MTHFD1L: variants seen among roughly 807,000 people sequenced by gnomAD.
MTHFD1L encodes monofunctional C1-tetrahydrofolate synthase, mitochondrial.
In MTHFD1L, 81 loss-of-function variants were observed where a neutral mutation model predicts 119.5. The ratio of observed to expected loss-of-function variants is 0.68; its 90% confidence interval spans 0.57 to 0.82. The LOEUF (loss-of-function observed/expected upper bound fraction) is 0.82, where lower values mean the gene tolerates loss of function less well. Ranked by LOEUF, MTHFD1L falls within the 40% of genes least tolerant of loss-of-function variation. MTHFD1L has a pLI of 0.00. For missense variants in MTHFD1L, 1,125 were observed against 1,253.4 expected (o/e 0.90, Z 1.55); for synonymous variants, 430 against 475.2 (o/e 0.90, Z 1.24).
rs1428575276 is a variant in MTHFD1L at position 150,964,981 on chromosome 6, G to T, written c.1957G>T (p.Ala653Ser). The T allele has an allele frequency of 1.2e-6, 2 of 1,613,980 alleles. No homozygotes were observed. Among genetic ancestry groups the T allele is most frequent in the Non-Finnish European group, 1.7e-6 (2 of 1,179,906 alleles). Residue 653 changes from alanine (A) to serine (S), a missense_variant, in exon 19 of 28, where the codon GCT (alanine) becomes TCT (serine). Ala to Ser is a moderately conservative substitution (Grantham distance 99, BLOSUM62 1). Around this residue, in one of 3 missense-constraint regions of MTHFD1L, gnomAD observed 1,058 missense variants for 1,151.2 expected, o/e 0.92. Coordinates refer to ENST00000367321, the MANE Select transcript of MTHFD1L (RefSeq NM_015440.5). ...VTADDLGVTG[A>S]LTVLMKDAIK... ...CTCTCTCCTGTAGGGGGTGACAGGT[G>T]CTTTGACAGTTTTGATGAAAGATGC...
chr6:150,970,327 G>A (rs138169576), intron 19 of MTHFD1L, among the ~76,000 whole-genome samples: 86 of 152,324 alleles, frequency 5.6e-4, no homozygotes, highest in African/African-American at 1.5e-3. Context: ...AGTGAGAGCT[G>A]TTAACATTTT....
At chr6:150,890,104 C>T (rs1418964269) in intron 7 of MTHFD1L, among the ~76,000 whole-genome samples, 1 of 151,178 alleles carries the variant, frequency 6.6e-6, no homozygotes. Flanking sequence ...TGCGGTGAGC[C>T]GAGATCACAC....
chr6:151,072,847 A>T (rs976755182), intron 26 of MTHFD1L, among the ~76,000 whole-genome samples: 1 of 152,142 alleles, frequency 6.6e-6, no homozygotes, highest in African/African-American at 2.4e-5. Flanking sequence ...TCACCCATTG[A>T]TACATAATGT....
chr6:151,096,753 C>G (rs1194621351), intron 27 of MTHFD1L, among the ~76,000 whole-genome samples: 1 of 152,222 alleles, frequency 6.6e-6, no homozygotes, highest in Non-Finnish European at 1.5e-5. Context: ...GCGTTCCACT[C>G]AGGAAGAAGA....
At chr6:151,093,250 C>T (rs1045764370) in intron 27 of MTHFD1L, among the ~76,000 whole-genome samples, 2 of 152,178 alleles carry the variant, frequency 1.3e-5, no homozygotes, top group Admixed American at 6.5e-5. Context: ...GTCTCAGCCT[C>T]TGTGGTCCCA....
chr6:150,887,559 G>C (rs573365452), intron 6 of MTHFD1L, among the ~76,000 whole-genome samples: 3 of 152,196 alleles, frequency 2.0e-5, no homozygotes, highest in Non-Finnish European at 4.4e-5. Context: ...AGGTTCAAGT[G>C]ATTTTCCTGC....
At chr6:151,069,279 C>CTCTCTT in intron 26 of MTHFD1L, among the ~76,000 whole-genome samples, 1 of 150,678 alleles carries the variant, frequency 6.6e-6, no homozygotes, top group East Asian at 1.9e-4. Context: ...CTCTCTCTCT[C>CTCTCTT]TCCCTCCCTC....
intron 26 of MTHFD1L, among the ~76,000 whole-genome samples, chr6:151,065,791 T>C (rs1338469090): frequency 6.6e-6 from 1 of 152,244 alleles, no homozygotes; most frequent in Non-Finnish European, 1.5e-5. Context: ...CAGACCCACC[T>C]GCACCACATG....
chr6:150,926,235 GT>G lies in MTHFD1L; in HGVS notation c.1199del (p.Leu400CysfsTer4). On this transcript the variant is annotated frameshift_variant, in exon 11 of 28. Transcript: ENST00000367321. LOFTEE classifies it high-confidence loss of function. The surrounding 1 kb of genome is among the most constrained non-coding windows in gnomAD (Gnocchi z 4.3). ...EIYGKSKAKV[R>X]LSVLERLKDQ... ...TATGGCAAAAGCAAAGCCAAAGTAC[GT>G]TTGTCCGTGCTAGAAAGGTTAAAGG... is the stretch of plus-strand genomic sequence containing the variant. 5.6e-6 allele frequency: 9 copies of G among 1,614,052 alleles called. No individual in the cohort carries two copies. Among genetic ancestry groups the G allele is most frequent in the Non-Finnish European group, 7.6e-6 (9 of 1,180,000 alleles).
rs776170186 is a variant in MTHFD1L at position 151,009,896 on chromosome 6, C to G, written c.2203C>G (p.Pro735Ala). 1 of 1,613,578 alleles carries G rather than the reference C, an allele frequency of 6.2e-7. No individual in the cohort carries two copies. The highest frequency in any genetic ancestry group is 1.1e-5 in the South Asian group (1 of 90,944). ...CAAGTGCCGAGCTTCCGGCTTGGTG[C>G]CCAACGTGGTTGTGTTAGTGGCAAC... ...NIKCRASGLVPNVVVLVATVR... is the reference protein window; with the variant it reads ...NIKCRASGLVANVVVLVATVR... The change falls in exon 21 of 28, where the codon CCC (proline) becomes GCC (alanine). Residue 735 changes from proline to alanine, a missense_variant. Coordinates refer to ENST00000367321, the MANE Select transcript of MTHFD1L (RefSeq NM_015440.5).
chr6:151,090,987 CAGCA>C (rs1794350814), intron 26 of MTHFD1L, among the ~76,000 whole-genome samples: 1 of 135,948 alleles, frequency 7.4e-6, no homozygotes, highest in Non-Finnish European at 1.6e-5. Flanking sequence ...CGACTGGGTG[CAGCA>C]TCGTTCCATG....
chr6:150,923,460 T>C (rs1013907208), intron 10 of MTHFD1L, among the ~76,000 whole-genome samples: 7 of 151,750 alleles, frequency 4.6e-5, no homozygotes, highest in South Asian at 2.1e-4. Context: ...TCCAGCAACG[T>C]TGGAATGCAC....
At chr6:150,886,581 C>T (rs1486178078) in intron 6 of MTHFD1L, among the ~76,000 whole-genome samples, 1 of 151,416 alleles carries the variant, frequency 6.6e-6, no homozygotes, top group Non-Finnish European at 1.5e-5. Context: ...CTTGACTTGG[C>T]GTTTTTATGT....
chr6:150,887,408 C>G (rs547516438), intron 6 of MTHFD1L, among the ~76,000 whole-genome samples: 1 of 152,302 alleles, frequency 6.6e-6, no homozygotes, highest in East Asian at 1.9e-4. Context: ...CACCCCACTC[C>G]TAGTTCCTAG....
rs1381098962 is a variant in MTHFD1L at position 151,013,735 on chromosome 6, C to A, written c.2266-44C>A. ...CTTTCTTTCAGATCGGTTGTGTAAGCATTTTTATAGGATTATTCTTCATGT... is the reference window on the plus strand; with the variant it reads ...CTTTCTTTCAGATCGGTTGTGTAAGAATTTTTATAGGATTATTCTTCATGT... On this transcript the variant is annotated intron_variant, in intron 21 of 27. Transcript: ENST00000367321. 3.2e-6 allele frequency: 5 copies of A among 1,542,022 alleles called. No homozygotes were observed. The Admixed American group carries it at 8.5e-5, about 26-fold the overall frequency.
chr6:150,959,062 A>C (rs1346152648), intron 17 of MTHFD1L: 6 of 401,168 alleles, frequency 1.5e-5, no homozygotes, highest in Admixed American at 6.4e-5. Context: ...GGTAGTATAG[A>C]GAACCCTAAA....
chr6:150,995,075 G>A (rs1366667484), intron 20 of MTHFD1L, among the ~76,000 whole-genome samples: 1 of 152,080 alleles, frequency 6.6e-6, no homozygotes, highest in Non-Finnish European at 1.5e-5. Context: ...CTCAAGAGGA[G>A]GGAAAGGTGG....
chr6:150,958,212 T>G (rs1738582), intron 17 of MTHFD1L, among the ~76,000 whole-genome samples: 43,024 of 151,934 alleles, frequency 0.28, 6,401 homozygotes, highest in East Asian at 0.49. Context: ...TGCTTTTTAT[T>G]TATCATAAGA....
chr6:151,059,320 C>T (rs1790364686), intron 26 of MTHFD1L, among the ~76,000 whole-genome samples: 1 of 152,020 alleles, frequency 6.6e-6, no homozygotes, highest in Non-Finnish European at 1.5e-5. Context: ...AAGCGATTTT[C>T]CTGCCTGCGC....
Sources: gnomAD v4.1 joint callset for allele counts (sites outside exome capture counted in the v4.1 genomes callset) on GRCh38, gnomAD v4.1.1 for gene constraint, gnomAD v4.1.1 regional missense constraint, Gnocchi (gnomAD v3.1) non-coding constraint, MANE v1.5 for transcripts, NCBI Gene and HGNC (gene_info 2026-07-23, HGNC 2026-07-21) for gene names.